PHACTR2: variants seen among roughly 807,000 people sequenced by gnomAD.
PHACTR2 encodes the protein chromosome 6 open reading frame 56.
In PHACTR2, 30 loss-of-function variants were observed where a neutral mutation model predicts 76.0. The ratio of observed to expected loss-of-function variants is 0.39; its 90% CI spans 0.30 to 0.54. The LOEUF is 0.54. Ranked by LOEUF, PHACTR2 falls within the 20% of genes least tolerant of loss-of-function variation. PHACTR2 has a pLI of 0.61. For synonymous variants in PHACTR2, 292 were observed against 292.5 expected (o/e 1.00, Z 0.02); for missense variants, 696 against 781.1 (o/e 0.89, Z 1.30).
chr6:143,675,867 T>C (rs1039350470), upstream of PHACTR2, among the ~76,000 whole-genome samples: 1 of 151,240 alleles, frequency 6.6e-6, no homozygotes, highest in East Asian at 1.9e-4. The surrounding 1 kb of genome is among the most constrained non-coding windows in gnomAD (Gnocchi z 4.9). Context: ...GTAAGGCAAT[T>C]TGGGGGAAAA....
chr6:143,674,798 T>G (rs1777212826), upstream of PHACTR2, among the ~76,000 whole-genome samples: 1 of 152,218 alleles, frequency 6.6e-6, no homozygotes, highest in African/African-American at 2.4e-5. This position sits in a 1 kb window ranked among gnomAD's most constrained non-coding sequence, Gnocchi z 4.9. Context: ...TAGAAAAATC[T>G]GGCAGTAACC....
rs1397661143 is a variant in PHACTR2 at position 143,697,488 on chromosome 6, C to A, written c.47-14528C>A. The stretch of plus-strand genomic sequence containing the variant: ...CATATAAATTATTCCAGCTGTTTTT[C>A]AATTATTTGTCTTTGATGAATTGTC... On this transcript the variant is annotated intron_variant, in intron 1 of 12. Coordinates refer to ENST00000440869, the MANE Select transcript of PHACTR2 (RefSeq NM_001100164.2). The surrounding 1 kb of genome is among the most constrained non-coding windows in gnomAD (Gnocchi z 4.4). 6.6e-6 allele frequency among the ~76,000 whole-genome samples: 1 copy of A among 152,128 alleles called. No individual in the cohort carries two copies. Among genetic ancestry groups the A allele is most frequent in the Non-Finnish European group, 1.5e-5 (1 of 68,012 alleles).
chr6:143,537,572 G>A lies in PHACTR2; in HGVS notation c.217+365G>A, dbSNP rs1781129761. Among the ~76,000 whole-genome samples, 1 of 152,206 alleles carries A rather than the reference G, an allele frequency of 6.6e-6. No individual in the cohort carries two copies. The stretch of plus-strand genomic sequence containing the variant: ...AAGAGGAACATTCTCGGTCTTCGGC[G>A]CGACTTTGGTCCCTCGGAAGGGTGC... On this transcript the variant is annotated intron_variant, in intron 1 of 11. Transcript: ENST00000367584. The surrounding 1 kb of genome is among the most constrained non-coding windows in gnomAD (Gnocchi z 4.4).
At position 143,733,423 on chromosome 6, in the gene PHACTR2, A is replaced by G. The variant is rs1287780065; in HGVS notation, c.215-15562A>G. On this transcript the variant is annotated intron_variant, in intron 2 of 12. Coordinates refer to ENST00000440869, the MANE Select transcript of PHACTR2 (RefSeq NM_001100164.2). The surrounding 1 kb of genome is among the most constrained non-coding windows in gnomAD (Gnocchi z 4.0). ...TCAGTAAATGTATATTGAATGAACG[A>G]ATGAATGAATGAATGGCTCTTGATG... Among the ~76,000 whole-genome samples, 1 of 152,190 alleles carries G rather than the reference A, an allele frequency of 6.6e-6. No individual in the cohort carries two copies. The highest frequency in any genetic ancestry group is 2.4e-5 in the African/African-American group (1 of 41,454).
intron 2 of PHACTR2, among the ~76,000 whole-genome samples, chr6:143,737,086 T>C (rs1778840139): frequency 6.6e-6 from 1 of 151,756 alleles, no homozygotes; most frequent in Non-Finnish European, 1.5e-5. Context: ...GAGTCTATTA[T>C]ATATAATGTA....
In PHACTR2 at chr6:143,823,602, G is replaced by T; in HGVS notation, c.1923-72G>T. On this transcript the variant is annotated intron_variant, in intron 12 of 12. Coordinates refer to ENST00000440869, the MANE Select transcript of PHACTR2 (RefSeq NM_001100164.2). This position sits in a 1 kb window ranked among gnomAD's most constrained non-coding sequence, Gnocchi z 5.7. ...ACCTTTTCATTGTAAACATGACCAC[G>T]CCTTATTCAGCTCACTGCATGCAGA... 1.7e-6 allele frequency: 2 copies of T among 1,156,538 alleles called. No homozygotes were observed. The highest frequency in any genetic ancestry group is 2.4e-5 in the East Asian group (1 of 42,454). The allele number at this position is 1,156,538 out of a possible 1,614,324, so 71.6% of individuals were successfully genotyped here.
In PHACTR2 at chr6:143,653,011, G is replaced by A. The variant is rs746080913; in HGVS notation, c.13+44689G>A. ...AAAAGCACCAGGTGTTCCCAGCAGC[G>A]CTCTCTTTCACCCTTGCAAGCTGCA... On this transcript the variant is annotated intron_variant, in intron 1 of 11. Transcript: ENST00000305766. This position sits in a 1 kb window ranked among gnomAD's most constrained non-coding sequence, Gnocchi z 4.9. Among the ~76,000 whole-genome samples the A allele has an allele frequency of 5.9e-5, 9 of 152,174 alleles. No homozygotes were observed. The highest frequency in any genetic ancestry group is 1.3e-4 in the Admixed American group (2 of 15,274).
At position 143,554,961 on chromosome 6, in the gene PHACTR2, AT is replaced by A. The variant is rs1446361291; in HGVS notation, c.217+17759del. ...CCTTTGTGGTATATACATTGGAAGT[AT>A]TTTTCTGCTATTTGGTTTTCTTTCA... On this transcript the variant is annotated intron_variant, in intron 1 of 11. Transcript: ENST00000367584. The surrounding 1 kb of genome is among the most constrained non-coding windows in gnomAD (Gnocchi z 5.9). The A allele has an allele frequency of 6.6e-6, 1 of 151,628 alleles. No individual in the cohort carries two copies. Among genetic ancestry groups the A allele is most frequent in the Non-Finnish European group, 1.5e-5 (1 of 67,940 alleles). The allele number at this position is 151,628 out of a possible 1,614,324, so 9.4% of individuals were successfully genotyped here. A position where few individuals can be genotyped will look rare whatever the true frequency, so the allele number is the denominator to read the frequency against.
At position 143,753,934 on chromosome 6, in the gene PHACTR2, A is replaced by G. The variant is rs773146762; in HGVS notation, c.454+22A>G. 3 of 1,570,814 alleles carry G rather than the reference A, an allele frequency of 1.9e-6. No individual in the cohort carries two copies. The highest frequency in any genetic ancestry group is 2.6e-6 in the Non-Finnish European group (3 of 1,157,952). On this transcript the variant is annotated intron_variant, in intron 4 of 12. Coordinates refer to ENST00000440869, the MANE Select transcript of PHACTR2 (RefSeq NM_001100164.2). The surrounding 1 kb of genome is among the most constrained non-coding windows in gnomAD (Gnocchi z 4.6). The stretch of plus-strand genomic sequence containing the variant: ...AAAGGTAAAATAAAGACAAACCCAT[A>G]TTATTTACTTTAGTATATAGCTCAA...
intron 1 of PHACTR2, among the ~76,000 whole-genome samples, chr6:143,577,938 T>A (rs1469223582): frequency 6.6e-6 from 1 of 152,226 alleles, no homozygotes; most frequent in Non-Finnish European, 1.5e-5. Flanking sequence ...TATAATGTTA[T>A]AGTAGCATGT....
At chr6:143,702,482 T>C (rs1427083153) in intron 1 of PHACTR2, among the ~76,000 whole-genome samples, 2 of 152,198 alleles carry the variant, frequency 1.3e-5, no homozygotes, top group African/African-American at 4.8e-5. Context: ...ACCATGAGTT[T>C]AGCTATCATA....
intron 1 of PHACTR2, among the ~76,000 whole-genome samples, chr6:143,634,053 C>A (rs971230303): frequency 1.3e-5 from 2 of 152,146 alleles, no homozygotes; most frequent in East Asian, 3.8e-4. Context: ...TACTGTACTA[C>A]GGCAGGTCTT....
rs1362006759 is a variant in PHACTR2, at chr6:143,821,871, G to A, written c.1923-1803G>A. Among the ~76,000 whole-genome samples the A allele has an allele frequency of 2.0e-5, 3 of 152,162 alleles. No homozygotes were observed. The highest frequency in any genetic ancestry group is 4.4e-5 in the Non-Finnish European group (3 of 68,028). ...CTGGGCATGGTGGTGCATGCTTGTA[G>A]TTTCAGCTACTTGGATGCTGAGGTG... On this transcript the variant is annotated intron_variant, in intron 12 of 12. Coordinates refer to ENST00000440869, the MANE Select transcript of PHACTR2 (RefSeq NM_001100164.2). The surrounding 1 kb of genome is among the most constrained non-coding windows in gnomAD (Gnocchi z 5.2).
In PHACTR2 at chr6:143,818,128, T is replaced by A. The variant is rs1351519876; in HGVS notation, c.1923-5546T>A. 6.6e-6 allele frequency among the ~76,000 whole-genome samples: 1 copy of A among 152,170 alleles called. No homozygotes were observed. The highest frequency in any genetic ancestry group is 1.9e-4 in the East Asian group (1 of 5,202). ...AACAATTATGTGTCAATTAAAAATA[T>A]AATAAAATAATCAATAAAAAATTTA... On this transcript the variant is annotated intron_variant, in intron 12 of 12. Coordinates refer to ENST00000440869, the MANE Select transcript of PHACTR2 (RefSeq NM_001100164.2). This position sits in a 1 kb window ranked among gnomAD's most constrained non-coding sequence, Gnocchi z 4.9.
intron 1 of PHACTR2, among the ~76,000 whole-genome samples, chr6:143,567,833 G>A (rs182011138): frequency 5.9e-5 from 9 of 152,278 alleles, no homozygotes; most frequent in Non-Finnish European, 1.2e-4. Context: ...TAGATGTATC[G>A]AGGTTTAAAG....
At chr6:143,802,925 A>G (rs1041347587) in intron 11 of PHACTR2, among the ~76,000 whole-genome samples, 1 of 152,134 alleles carries the variant, frequency 6.6e-6, no homozygotes, top group South Asian at 2.1e-4. Context: ...TCTTTCTGGT[A>G]TATTTTTTTC....
intron 1 of PHACTR2, among the ~76,000 whole-genome samples, chr6:143,615,666 T>C (rs1395077660): frequency 6.6e-6 from 1 of 152,188 alleles, no homozygotes; most frequent in Admixed American, 6.5e-5. Context: ...GTGATAATAT[T>C]AGAGTCATTA....
chr6:143,557,593 C>T lies in PHACTR2; in HGVS notation c.217+20386C>T, dbSNP rs1775196681. The T allele has an allele frequency of 6.6e-6, 1 of 152,248 alleles. No individual in the cohort carries two copies. The highest frequency in any genetic ancestry group is 2.4e-5 in the African/African-American group (1 of 41,428). 9.4% of individuals were successfully genotyped at this position (152,248 alleles called of 1,614,324 possible). A position where few individuals can be genotyped will look rare whatever the true frequency, so the allele number is the denominator to read the frequency against. On this transcript the variant is annotated intron_variant, in intron 1 of 11. Transcript: ENST00000367584. The surrounding 1 kb of genome is among the most constrained non-coding windows in gnomAD (Gnocchi z 5.5). ...CTCGATTTTTCGAGAACTGACCGGA[C>T]CATGTGGACCTGGTCCAGCTCTTCC...
intron 1 of PHACTR2, among the ~76,000 whole-genome samples, chr6:143,668,553 A>T (rs1480042554): frequency 6.6e-6 from 1 of 152,088 alleles, no homozygotes; most frequent in African/African-American, 2.4e-5. Context: ...CTATTTCAGA[A>T]CTTGTTATTG....
Sources: allele counts gnomAD v4.1 joint callset (sites outside exome capture counted in the v4.1 genomes callset), GRCh38; gene constraint gnomAD v4.1.1; non-coding constraint Gnocchi (gnomAD v3.1); transcripts MANE v1.5; gene names NCBI Gene and HGNC (gene_info 2026-07-23, HGNC 2026-07-21).